DPYD: variants seen among roughly 807,000 people sequenced by gnomAD.
DPYD encodes dihydropyrimidine dehydrogenase.
A neutral mutation model predicts 116.2 loss-of-function variants in DPYD; 109 were observed. The observed-to-expected ratio is 0.94, with a 90% CI of 0.80 to 1.10. The LOEUF is 1.10. Ranked by LOEUF, DPYD falls within the 50% of genes least tolerant of loss-of-function variation. The pLI is 0.00. For synonymous variants in DPYD, 440 were observed against 432.0 expected, an observed-to-expected ratio of 1.02 and a Z score of -0.23; for missense variants, 1,302 against 1,254.5, an observed-to-expected ratio of 1.04 and a Z score of -0.57.
At chr1:97,407,671 C>T (rs1171758515) in intron 14 of DPYD, among the ~76,000 whole-genome samples, 1 of 152,132 alleles carries the variant, frequency 6.6e-6, no homozygotes, top group Non-Finnish European at 1.5e-5. Flanking sequence ...TCTGAATCAG[C>T]ATCCAATACA....
chr1:97,091,492 A>G (rs1259389346), intron 21 of DPYD, among the ~76,000 whole-genome samples: 4 of 152,166 alleles, frequency 2.6e-5, no homozygotes, highest in Admixed American at 6.5e-5. Flanking sequence ...CAACCACAAT[A>G]AAAGGACAAG....
chr1:97,679,148 ATTTCATTCACT>A lies in DPYD; in HGVS notation c.786_796del (p.Val263AspfsTer3). On this transcript the variant is annotated frameshift_variant, in exon 8 of 23. Coordinates refer to ENST00000370192, the MANE Select transcript of DPYD (RefSeq NM_000110.4). LOFTEE classifies it high-confidence loss of function. ...TTTTTCTTTCAAAGTGCTAAGAGTC[ATTTCATTCACT>A]GAAAGGCTTTTACCGCAAATTATCT... The A allele has an allele frequency of 6.3e-7, 1 of 1,590,812 alleles. No homozygotes were observed. The highest frequency in any genetic ancestry group is 8.6e-7 in the Non-Finnish European group (1 of 1,166,400).
chr1:97,767,755 C>T (rs78544972), intron 3 of DPYD, among the ~76,000 whole-genome samples: 22 of 112,416 alleles, frequency 2.0e-4, no homozygotes, highest in South Asian at 3.0e-4. Flanking sequence ...TTGGGGCTGG[C>T]TTTTTTTTTT....
chr1:97,312,270 T>C (rs939898941), intron 16 of DPYD, among the ~76,000 whole-genome samples: 2 of 151,882 alleles, frequency 1.3e-5, no homozygotes, highest in Non-Finnish European at 2.9e-5. Context: ...ATAATATCCC[T>C]CTTTGCTGAG....
intron 16 of DPYD, chr1:97,308,260 T>C (rs1173083887): frequency 1.3e-5 from 2 of 151,760 alleles, no homozygotes; most frequent in Admixed American, 1.3e-4. Context: ...TTTTTTTTGG[T>C]TAGCACTGTT....
chr1:97,082,218 A>T, intron 22 of DPYD, 112 bp downstream of exon 22: 2 of 1,296,716 alleles, frequency 1.5e-6, no homozygotes, highest in Admixed American at 3.4e-5. Flanking sequence ...GCAGAAGAGC[A>T]ATATTTGGCA....
At chr1:97,459,231 G>A (rs1411238479) in intron 13 of DPYD, among the ~76,000 whole-genome samples, 1 of 152,050 alleles carries the variant, frequency 6.6e-6, no homozygotes, top group African/African-American at 2.4e-5. Context: ...ATATATCTGG[G>A]CAAGTTACCT....
chr1:97,564,581 T>G (rs1652387158), intron 11 of DPYD, among the ~76,000 whole-genome samples: 1 of 152,116 alleles, frequency 6.6e-6, no homozygotes, highest in African/African-American at 2.4e-5. Flanking sequence ...CCTGCTTCAG[T>G]TGTTCAATAG....
intron 20 of DPYD, among the ~76,000 whole-genome samples, chr1:97,101,081 T>G (rs1230745187): frequency 6.7e-6 from 1 of 150,084 alleles, no homozygotes; most frequent in African/African-American, 2.5e-5. Flanking sequence ...AACTTGCCAA[T>G]TTTTTTTAAT....
chr1:97,899,128 G>C (rs752274269), intron 1 of DPYD, among the ~76,000 whole-genome samples: 4 of 151,230 alleles, frequency 2.6e-5, no homozygotes, highest in Non-Finnish European at 5.9e-5. Context: ...CAAAGGCCTT[G>C]GGCCACGTTG....
chr1:97,336,008 C>T (rs1669266781), intron 16 of DPYD, among the ~76,000 whole-genome samples: 1 of 152,084 alleles, frequency 6.6e-6, no homozygotes, highest in Admixed American at 6.5e-5. Context: ...TTTGAGGTGA[C>T]TGGTTTCATA....
chr1:97,373,899 T>C (rs902191298), intron 15 of DPYD, among the ~76,000 whole-genome samples: 2 of 152,202 alleles, frequency 1.3e-5, no homozygotes, highest in Non-Finnish European at 2.9e-5. Flanking sequence ...ATGTTTTATA[T>C]TTGTTACCTC....
intron 2 of DPYD, among the ~76,000 whole-genome samples, chr1:97,851,463 A>T (rs1383643775): frequency 6.6e-6 from 1 of 151,928 alleles, no homozygotes; most frequent in Non-Finnish European, 1.5e-5. Flanking sequence ...AAGGTCAAAT[A>T]AAGGTAAAAC....
intron 20 of DPYD, among the ~76,000 whole-genome samples, chr1:97,187,254 T>G (rs1658063727): frequency 6.6e-6 from 1 of 152,318 alleles, no homozygotes; most frequent in African/African-American, 2.4e-5. Context: ...ATTTTTTGAC[T>G]TTTTAGTAAG....
At chr1:97,087,401 C>T (rs770717611) in intron 21 of DPYD, among the ~76,000 whole-genome samples, 9 of 152,246 alleles carry the variant, frequency 5.9e-5, no homozygotes, top group South Asian at 2.1e-4. Context: ...ACTAAGGACT[C>T]GGCTTGAATA....
chr1:97,766,336 A>G (rs1394164383), intron 3 of DPYD, among the ~76,000 whole-genome samples: 2 of 152,166 alleles, frequency 1.3e-5, no homozygotes, highest in Non-Finnish European at 2.9e-5. Context: ...AAGTTTTTAG[A>G]TATTATATTC....
intron 20 of DPYD, among the ~76,000 whole-genome samples, chr1:97,172,361 G>A (rs1483471207): frequency 1.3e-5 from 2 of 152,140 alleles, no homozygotes; most frequent in Admixed American, 6.6e-5. Flanking sequence ...ATGCTAAGAG[G>A]AGGGAAAGAC....
In DPYD at chr1:97,913,008, A is replaced by C. The variant is rs191399036; in HGVS notation, c.39+7876T>G. Among the ~76,000 whole-genome samples, 616 of 152,290 alleles carry C rather than the reference A, an allele frequency of 4.0e-3. 8 individuals are homozygous for C. Among genetic ancestry groups the C allele is most frequent in the African/African-American group, 0.014 (591 of 41,564 alleles). On this transcript the variant is annotated intron_variant, in intron 1 of 22. Coordinates refer to ENST00000370192, the MANE Select transcript of DPYD (RefSeq NM_000110.4). ...CAACAAACACACTGAAGAAATTGGC[A>C]TAAAGAGTCCCATCTCCTTTTTCGA...
At position 97,126,707 on chromosome 1, in the gene DPYD, G is replaced by A. The variant is rs140057004; in HGVS notation, c.2623-28075C>T. On this transcript the variant is annotated intron_variant, in intron 20 of 22. Coordinates refer to ENST00000370192, the MANE Select transcript of DPYD (RefSeq NM_000110.4). ...AGGACAGAATCTTGTAATATTAATA[G>A]CATGCTGTCTGTCACAGACAACTGT... 5.9e-5 allele frequency among the ~76,000 whole-genome samples: 9 copies of A among 152,216 alleles called. No homozygotes were observed. In the East Asian group the frequency reaches 1.7e-3, roughly 29 times the overall value.
Sources: gnomAD v4.1 joint callset for allele counts (sites outside exome capture counted in the v4.1 genomes callset) on GRCh38, gnomAD v4.1.1 for gene constraint, MANE v1.5 for transcripts, NCBI Gene and HGNC (gene_info 2026-07-23, HGNC 2026-07-21) for gene names.